DPP10: variants seen among roughly 807,000 people sequenced by gnomAD.
DPP10 encodes inactive dipeptidyl peptidase 10.
A neutral mutation model predicts 120.9 loss-of-function variants in DPP10; 33 were observed. That is an observed-to-expected ratio of 0.27 (90% CI 0.21 to 0.37). DPP10 has a LOEUF of 0.37. Ranked by LOEUF, DPP10 falls within the 10% of genes least tolerant of loss-of-function variation. DPP10 has a pLI of 1.00. For synonymous variants in DPP10, 337 were observed against 326.1 expected, an observed-to-expected ratio of 1.03 and a Z score of -0.36; for missense variants, 816 against 942.8, an observed-to-expected ratio of 0.87 and a Z score of 1.76.
intron 7 of DPP10, among the ~76,000 whole-genome samples, chr2:115,717,648 T>C (rs1244921661): frequency 6.6e-6 from 1 of 151,882 alleles, no homozygotes; most frequent in African/African-American, 2.4e-5. Context: ...AAAGAGAAAG[T>C]TGGAATTTCA....
At chr2:115,696,581 A>G (rs1037768272) in intron 7 of DPP10, among the ~76,000 whole-genome samples, 1 of 152,200 alleles carries the variant, frequency 6.6e-6, no homozygotes, top group African/African-American at 2.4e-5. Flanking sequence ...AAGAGTTACC[A>G]CTAGACCTGC....
At chr2:115,210,413 T>C (rs2056432283) in intron 1 of DPP10, among the ~76,000 whole-genome samples, 1 of 152,192 alleles carries the variant, frequency 6.6e-6, no homozygotes, top group African/African-American at 2.4e-5. Context: ...CTTTATCCAG[T>C]CTATCATTGT....
chr2:115,437,642 C>T (rs917335225), intron 3 of DPP10, among the ~76,000 whole-genome samples: 2 of 151,990 alleles, frequency 1.3e-5, no homozygotes, highest in African/African-American at 4.8e-5. Flanking sequence ...CAGGTGGCAA[C>T]TGAAATATTC....
At chr2:114,929,742 A>T (rs934113369) in intron 1 of DPP10, among the ~76,000 whole-genome samples, 1 of 152,208 alleles carries the variant, frequency 6.6e-6, no homozygotes, top group South Asian at 2.1e-4. Context: ...GGCGACATAC[A>T]TCTTCAGCTT....
intron 1 of DPP10, among the ~76,000 whole-genome samples, chr2:115,062,779 C>G (rs1020934265): frequency 1.3e-5 from 2 of 152,154 alleles, no homozygotes; most frequent in African/African-American, 4.8e-5. Context: ...TTTTCTTTAT[C>G]CAGTCTATTA....
At chr2:115,795,966 C>A (rs944532255) in intron 19 of DPP10, among the ~76,000 whole-genome samples, 7 of 152,058 alleles carry the variant, frequency 4.6e-5, no homozygotes, top group African/African-American at 1.7e-4. Flanking sequence ...TTGAACTTGG[C>A]AAAATCCATA....
rs574385911 is a variant in DPP10, at chr2:114,861,798, T to C, written c.60+418960T>C. 3.2e-4 allele frequency among the ~76,000 whole-genome samples: 49 copies of C among 152,290 alleles called. No homozygotes were observed. The South Asian group carries it at 9.7e-3, about 30-fold the overall frequency. On this transcript the variant is annotated intron_variant, in intron 1 of 25. Coordinates refer to ENST00000410059, the MANE Select transcript of DPP10 (RefSeq NM_020868.6). ...TTCTGATATAACCTCTTCTACAAAA[T>C]AGCAAAGTAACATTGGGCCAGTTCC...
At chr2:115,099,729 C>A (rs1413094857) in intron 1 of DPP10, among the ~76,000 whole-genome samples, 1 of 152,130 alleles carries the variant, frequency 6.6e-6, no homozygotes, top group African/African-American at 2.4e-5. Context: ...TGCATGCTGT[C>A]TCCTGGAGGA....
chr2:115,188,199 T>G (rs1000419370), intron 1 of DPP10, among the ~76,000 whole-genome samples: 55 of 152,168 alleles, frequency 3.6e-4, no homozygotes, highest in Non-Finnish European at 7.4e-5. Flanking sequence ...CAGACTACCT[T>G]TTGAAAATTT....
intron 1 of DPP10, among the ~76,000 whole-genome samples, chr2:114,961,340 C>A (rs188960128): frequency 6.6e-6 from 1 of 152,036 alleles, no homozygotes; most frequent in African/African-American, 2.4e-5. Context: ...AGGCATGAGC[C>A]ACTGCGCCTG....
chr2:114,718,916 C>T (rs1017121944), intron 1 of DPP10, among the ~76,000 whole-genome samples: 4 of 152,152 alleles, frequency 2.6e-5, no homozygotes, highest in African/African-American at 9.7e-5. Context: ...TTGGTAGTGA[C>T]ACACATTCTC....
chr2:114,479,411 G>GGAA (rs146259708), intron 1 of DPP10, among the ~76,000 whole-genome samples: 1 of 149,968 alleles, frequency 6.7e-6, no homozygotes, highest in Non-Finnish European at 1.5e-5. Context: ...ATGAAAAAAT[G>GGAA]AAAAAAAAAC....
chr2:115,310,962 T>C (rs535351341), intron 2 of DPP10, among the ~76,000 whole-genome samples: 101 of 152,268 alleles, frequency 6.6e-4, no homozygotes, highest in African/African-American at 2.4e-3. Flanking sequence ...ATTGAGGCCA[T>C]AGTGATATTT....
chr2:114,905,268 G>A (rs1279230760), intron 1 of DPP10, among the ~76,000 whole-genome samples: 1 of 151,648 alleles, frequency 6.6e-6, no homozygotes, highest in South Asian at 2.1e-4. Context: ...TGGGTGGGGG[G>A]AGTGGGTATT....
intron 1 of DPP10, among the ~76,000 whole-genome samples, chr2:114,944,992 G>A (rs1005205711): frequency 3.9e-5 from 6 of 152,158 alleles, no homozygotes; most frequent in Non-Finnish European, 8.8e-5. Flanking sequence ...TGGAGAAAAG[G>A]TTAGTCTCTT....
At chr2:114,578,799 A>G (rs917563299) in intron 1 of DPP10, among the ~76,000 whole-genome samples, 1 of 152,246 alleles carries the variant, frequency 6.6e-6, no homozygotes, top group African/African-American at 2.4e-5. Flanking sequence ...TGCTACCAGG[A>G]TGGCATATAC....
intron 1 of DPP10, among the ~76,000 whole-genome samples, chr2:115,010,830 C>T (rs563345054): frequency 2.6e-5 from 4 of 152,088 alleles, no homozygotes; most frequent in Non-Finnish European, 5.9e-5. Context: ...TCTACTGTTG[C>T]CAGCAGTATT....
At chr2:115,483,296 A>T (rs534457808) in intron 3 of DPP10, among the ~76,000 whole-genome samples, 1 of 152,280 alleles carries the variant, frequency 6.6e-6, no homozygotes, top group Admixed American at 6.5e-5. Context: ...ATTATTTCAG[A>T]TGACAAAAGT....
intron 5 of DPP10, among the ~76,000 whole-genome samples, chr2:115,558,223 G>C (rs2080340897): frequency 6.6e-6 from 1 of 152,172 alleles, no homozygotes; most frequent in Non-Finnish European, 1.5e-5. Flanking sequence ...CTATTGGTCA[G>C]CCGCTCTCCA....
Sources: allele counts gnomAD v4.1 joint callset (sites outside exome capture counted in the v4.1 genomes callset), GRCh38; gene constraint gnomAD v4.1.1; transcripts MANE v1.5; gene names NCBI Gene and HGNC (gene_info 2026-07-23, HGNC 2026-07-21).